The following MGST1 variants were observed in gnomAD, a reference collection of about 807,000 sequenced individuals.
MGST1 encodes glutathione S-transferase 12.
A neutral mutation model predicts 8.9 loss-of-function variants in MGST1; 5 were observed. The ratio of observed to expected loss-of-function variants is 0.56; its 90% CI spans 0.29 to 1.19. The LOEUF (loss-of-function observed/expected upper bound fraction) is 1.19, where lower values mean the gene tolerates loss of function less well. Ranked by LOEUF, MGST1 falls within the 50% of genes most tolerant of loss-of-function variation. The pLI is 0.08. For synonymous variants in MGST1, 54 were observed against 67.8 expected (o/e 0.80, Z 1.00); for missense variants, 182 against 187.4 (o/e 0.97, Z 0.17).
At chr12:16,350,274 G>T (rs898926077) in intron 1 of MGST1, among the ~76,000 whole-genome samples, 4 of 152,208 alleles carry the variant, frequency 2.6e-5, no homozygotes, top group Non-Finnish European at 5.9e-5. Context: ...TTAGGGGACA[G>T]AGCTCTGGTC....
Position 16,401,054 on chromosome 12 carries a change from C to T in MGST1, n.778+17450C>T, listed in dbSNP as rs1247966500. 3.8e-6 allele frequency: 6 copies of T among 1,592,654 alleles called. No individual in the cohort carries two copies. Among genetic ancestry groups the T allele is most frequent in the Non-Finnish European group, 5.2e-6 (6 of 1,161,130 alleles). ...CCTGTTCTTTCTGTAAGTAATGCTG[C>T]CCGAGAACCTCTTCCCAAAAGGTCC... On this transcript the variant is annotated intron_variant and non_coding_transcript_variant, in intron 1 of 1. Transcript: ENST00000359720. This position sits in a 1 kb window ranked among gnomAD's most constrained non-coding sequence, Gnocchi z 4.3.
chr12:16,381,738 C>G (rs376827968), downstream of MGST1, among the ~76,000 whole-genome samples: 17 of 152,226 alleles, frequency 1.1e-4, no homozygotes, highest in Middle Eastern at 3.4e-3. Flanking sequence ...GTGTTTTCCA[C>G]CTTGGTTCCA....
chr12:16,364,110 C>G lies in MGST1; in HGVS notation c.*69C>G, dbSNP rs1401365342. ...CTGTACTTCCAATTTATAATGAATA[C>G]TTTCTTAGATTTTAGGTAGGAGGGG... On this transcript the variant is annotated 3_prime_UTR_variant, in exon 4 of 4. Coordinates refer to ENST00000396210, the MANE Select transcript of MGST1 (RefSeq NM_020300.5). This position sits in a 1 kb window ranked among gnomAD's most constrained non-coding sequence, Gnocchi z 5.7. The G allele has an allele frequency of 1.3e-6, 2 of 1,504,098 alleles. No individual in the cohort carries two copies. Among genetic ancestry groups the G allele is most frequent in the South Asian group, 2.8e-5 (2 of 71,900 alleles). 93.2% of individuals were successfully genotyped at this position (1,504,098 alleles called of 1,614,324 possible).
chr12:16,519,136 G>A (rs2137187777), intron 4 of MGST1, among the ~76,000 whole-genome samples: 1 of 152,300 alleles, frequency 6.6e-6, no homozygotes, highest in African/African-American at 2.4e-5. Flanking sequence ...CCATGGACGA[G>A]CCCTTCCAAC....
intron 4 of MGST1, among the ~76,000 whole-genome samples, chr12:16,518,433 C>A (rs1353277072): frequency 6.6e-6 from 1 of 152,160 alleles, no homozygotes; most frequent in African/African-American, 2.4e-5. Flanking sequence ...CATTCTATTT[C>A]ATTTAGTTTT....
intron 4 of MGST1, among the ~76,000 whole-genome samples, chr12:16,501,358 A>T (rs1329410635): frequency 6.6e-6 from 1 of 152,188 alleles, no homozygotes; most frequent in Non-Finnish European, 1.5e-5. Flanking sequence ...ATACCTCACA[A>T]CTGTATCTGA....
intron 4 of MGST1, among the ~76,000 whole-genome samples, chr12:16,466,833 T>G (rs945810601): frequency 6.6e-6 from 1 of 152,222 alleles, no homozygotes; most frequent in African/African-American, 2.4e-5. Flanking sequence ...TTGAACACTT[T>G]GAAATTTCCT....
At chr12:16,387,838 T>C (rs1940518500) in intron 1 of MGST1, among the ~76,000 whole-genome samples, 1 of 151,744 alleles carries the variant, frequency 6.6e-6, no homozygotes, top group Non-Finnish European at 1.5e-5. Context: ...TTCTACTGTA[T>C]TTCACTGTAC....
At chr12:16,575,910 A>G (rs1432471650) in intron 4 of MGST1, among the ~76,000 whole-genome samples, 6 of 152,002 alleles carry the variant, frequency 3.9e-5, no homozygotes, top group Non-Finnish European at 7.4e-5. Context: ...CCCTCTCCCC[A>G]TGTTCAATGC....
downstream of MGST1, among the ~76,000 whole-genome samples, chr12:16,442,699 T>G (rs1941048531): frequency 6.6e-6 from 1 of 151,874 alleles, no homozygotes; most frequent in Non-Finnish European, 1.5e-5. This position sits in a 1 kb window ranked among gnomAD's most constrained non-coding sequence, Gnocchi z 4.5. Context: ...TATTGTAGCT[T>G]TATAATAAGT....
intron 4 of MGST1, among the ~76,000 whole-genome samples, chr12:16,542,297 A>G (rs1435655146): frequency 6.6e-6 from 1 of 152,208 alleles, no homozygotes; most frequent in African/African-American, 2.4e-5. Context: ...AGAATAAAAG[A>G]AAGAAAATAT....
At chr12:16,371,548 A>G (rs1940293909) in intron 3 of MGST1, among the ~76,000 whole-genome samples, 2 of 152,066 alleles carry the variant, frequency 1.3e-5, no homozygotes, top group Admixed American at 1.3e-4. Context: ...AACAATGATC[A>G]ATGGTTTTTA....
chr12:16,485,655 C>G (rs1941395024), intron 4 of MGST1, among the ~76,000 whole-genome samples: 1 of 152,080 alleles, frequency 6.6e-6, no homozygotes, highest in Non-Finnish European at 1.5e-5. Flanking sequence ...TATCTCTAGG[C>G]AAACAATTTA....
chr12:16,560,305 G>A lies in MGST1; in HGVS notation n.483-29223G>A, dbSNP rs1023957542. ...ATTAAAGTTTACAGAACAGAAAAAC[G>A]CTGAGATTGATTGCTTTAAATGTAT... On this transcript the variant is annotated intron_variant and non_coding_transcript_variant, in intron 4 of 4. Transcript: ENST00000538857. The surrounding 1 kb of genome is among the most constrained non-coding windows in gnomAD (Gnocchi z 5.0). 3.2e-5 allele frequency: 40 copies of A among 1,233,816 alleles called. No homozygotes were observed. Among genetic ancestry groups the A allele is most frequent in the South Asian group, 2.0e-4 (12 of 58,890 alleles). 76.4% of individuals were successfully genotyped at this position (1,233,816 alleles called of 1,614,324 possible). A position where few individuals can be genotyped will look rare whatever the true frequency, so the allele number is the denominator to read the frequency against.
Position 16,397,461 on chromosome 12 carries a change from A to G in MGST1, n.778+13857A>G, listed in dbSNP as rs541799207. 1.4e-4 allele frequency among the ~76,000 whole-genome samples: 22 copies of G among 152,318 alleles called. 2 individuals carry two copies. The South Asian group carries it at 3.9e-3, about 27-fold the overall frequency. ...TAAACTAAAGAACTTCTGCACAGCTAAAGGAACAGTCAGCAGAGTAAACAG... is the reference window on the plus strand; with the variant it reads ...TAAACTAAAGAACTTCTGCACAGCTGAAGGAACAGTCAGCAGAGTAAACAG... On this transcript the variant is annotated intron_variant and non_coding_transcript_variant, in intron 1 of 1. Coordinates refer to the MGST1 transcript ENST00000359720.
intron 4 of MGST1, among the ~76,000 whole-genome samples, chr12:16,570,366 C>A (rs150498631): frequency 4.6e-5 from 7 of 151,946 alleles, no homozygotes; most frequent in African/African-American, 1.2e-4. Flanking sequence ...TAAAAGTGAA[C>A]AAGAAATTAA....
chr12:16,412,527 T>G (rs1400508100), intron 1 of MGST1, among the ~76,000 whole-genome samples: 1 of 152,194 alleles, frequency 6.6e-6, no homozygotes, highest in Non-Finnish European at 1.5e-5. Context: ...GAGCCTGATA[T>G]GGTTTGGCTG....
intron 4 of MGST1, among the ~76,000 whole-genome samples, chr12:16,456,116 C>A (rs1043011026): frequency 1.3e-5 from 2 of 151,646 alleles, no homozygotes; most frequent in East Asian, 3.9e-4. Context: ...TGCCTGATAT[C>A]GTGCCCGGCT....
chr12:16,462,407 A>G (rs1323627394), intron 4 of MGST1, among the ~76,000 whole-genome samples: 3 of 152,210 alleles, frequency 2.0e-5, no homozygotes, highest in African/African-American at 7.2e-5. Flanking sequence ...TACAGAGGAC[A>G]GCATTTGCTG....
Sources: gnomAD v4.1 joint callset for allele counts (sites outside exome capture counted in the v4.1 genomes callset) on GRCh38, gnomAD v4.1.1 for gene constraint, Gnocchi (gnomAD v3.1) non-coding constraint, MANE v1.5 for transcripts, NCBI Gene and HGNC (gene_info 2026-07-23, HGNC 2026-07-21) for gene names.